GABRR3: variants seen among roughly 807,000 people sequenced by gnomAD.
The protein encoded by GABRR3 is gamma-aminobutyric acid type A receptor subunit rho3, also known as gamma-aminobutyric acid receptor subunit rho-3.
Under a neutral mutation model 43.2 loss-of-function variants are expected in GABRR3, and 29 were observed. The observed-to-expected ratio is 0.67, with a 90% CI of 0.50 to 0.92. The LOEUF is 0.92. Ranked by LOEUF, GABRR3 falls within the 40% of genes least tolerant of loss-of-function variation. The probability of loss-of-function intolerance (pLI) is 0.00; values close to 1 mark genes in which losing one functional copy is unlikely to be tolerated. For synonymous variants in GABRR3, 206 were observed against 195.9 expected (o/e 1.05, Z -0.43); for missense variants, 576 against 572.3 (o/e 1.01, Z -0.07).
chr3:98,023,695 CAT>C (rs1559780845), intron 3 of GABRR3, among the ~76,000 whole-genome samples: 2 of 151,800 alleles, frequency 1.3e-5, no homozygotes, highest in Non-Finnish European at 2.9e-5. Context: ...AAAAAAGAGA[CAT>C]ATTTCTAAAC....
chr3:98,019,024 T>G (rs1302374352), intron 3 of GABRR3, among the ~76,000 whole-genome samples: 1 of 151,708 alleles, frequency 6.6e-6, no homozygotes, highest in Non-Finnish European at 1.5e-5. Flanking sequence ...GCATGAGAAT[T>G]GCTTGAATGC....
At chr3:98,032,080 T>C (rs1175984406) in intron 2 of GABRR3, among the ~76,000 whole-genome samples, 18 of 145,182 alleles carry the variant, frequency 1.2e-4, no homozygotes, top group Admixed American at 9.5e-4. Context: ...TAGTATAGTA[T>C]AGTATAGTAT....
At chr3:98,004,372 G>A (rs1706696418) in intron 7 of GABRR3, among the ~76,000 whole-genome samples, 1 of 152,122 alleles carries the variant, frequency 6.6e-6, no homozygotes, top group Admixed American at 6.6e-5. Context: ...AGAAAGTTAA[G>A]GGTTAGAGAG....
At chr3:98,016,404 T>C (rs1706873802) in intron 4 of GABRR3, among the ~76,000 whole-genome samples, 1 of 152,140 alleles carries the variant, frequency 6.6e-6, no homozygotes, top group Non-Finnish European at 1.5e-5. Context: ...TGCCATGTGA[T>C]GCCTGCTCCC....
intron 4 of GABRR3, among the ~76,000 whole-genome samples, chr3:98,016,070 A>G (rs569006564): frequency 6.6e-6 from 1 of 152,158 alleles, no homozygotes; most frequent in South Asian, 2.1e-4. Context: ...GCCACTTTCA[A>G]ATAATCAGGT....
At chr3:97,991,775 C>A (rs1177424178) in intron 9 of GABRR3, among the ~76,000 whole-genome samples, 10 of 152,034 alleles carry the variant, frequency 6.6e-5, no homozygotes, top group Admixed American at 6.5e-4. Flanking sequence ...ATAAAAACAT[C>A]CTGAAAGTAT....
intron 8 of GABRR3, chr3:98,000,770 G>A (rs1210589511): frequency 6.6e-6 from 1 of 152,048 alleles, no homozygotes; most frequent in Non-Finnish European, 1.5e-5. Flanking sequence ...AAATGAAAGA[G>A]CAAAATCAGA....
chr3:98,020,349 T>C (rs1424353045), intron 3 of GABRR3, among the ~76,000 whole-genome samples: 3 of 150,052 alleles, frequency 2.0e-5, no homozygotes, highest in Admixed American at 6.8e-5. Context: ...AAATGGCATA[T>C]AATAAATGTT....
At position 98,007,759 on chromosome 3, in the gene GABRR3, T is replaced by C; in HGVS notation, c.754+5A>G. On this transcript the variant is annotated splice_donor_5th_base_variant and intron_variant, in intron 7 of 9. Transcript: ENST00000621172. ...CTGATGAATCACCCATGTAAAATGC[T>C]GTACCTGTGCTGCTATAGAAAGCTA... 6.2e-7 allele frequency: 1 copy of C among 1,613,572 alleles called. No homozygotes were observed. Among genetic ancestry groups the C allele is most frequent in the Non-Finnish European group, 8.5e-7 (1 of 1,179,758 alleles).
At chr3:97,993,091 C>G (rs1256932074) in intron 8 of GABRR3, 43 bp from the exon 9 acceptor site, 1 of 1,460,222 alleles carries the variant, frequency 6.8e-7, no homozygotes, top group Non-Finnish European at 9.3e-7. Context: ...TATAGCCATT[C>G]ATTTCCAGGA....
intron 8 of GABRR3, chr3:98,000,017 T>C (rs1311003336): frequency 1.3e-5 from 2 of 151,952 alleles, no homozygotes; most frequent in East Asian, 3.9e-4. Flanking sequence ...AGAGGGCAAA[T>C]TATCTTTGAA....
chr3:97,990,590 G>T (rs561968896), intron 9 of GABRR3, among the ~76,000 whole-genome samples: 3 of 151,858 alleles, frequency 2.0e-5, no homozygotes, highest in Admixed American at 1.3e-4. Flanking sequence ...CAAGAAATCC[G>T]CCTGCCTTGG....
Position 98,001,599 on chromosome 3 carries a change from A to G in GABRR3, c.907+16T>C. 6.2e-7 allele frequency: 1 copy of G among 1,612,194 alleles called. No homozygotes were observed. The highest frequency in any genetic ancestry group is 8.5e-7 in the Non-Finnish European group (1 of 1,178,806). ...TCTCCCATGTTAACATTTTATAAAGATGGGGAAAGATTTACCCAGGGAAAC... is the reference window on the plus strand; with the variant it reads ...TCTCCCATGTTAACATTTTATAAAGGTGGGGAAAGATTTACCCAGGGAAAC... On this transcript the variant is annotated intron_variant, in intron 8 of 9. Coordinates refer to ENST00000621172, the Ensembl canonical transcript of GABRR3.
intron 2 of GABRR3, among the ~76,000 whole-genome samples, chr3:98,030,759 C>A (rs1707076802): frequency 6.6e-6 from 1 of 152,184 alleles, no homozygotes; most frequent in Non-Finnish European, 1.5e-5. Flanking sequence ...CTCAGTCAAG[C>A]TTTACTGTGA....
chr3:98,024,059 G>A (rs1706982083), intron 3 of GABRR3, among the ~76,000 whole-genome samples: 1 of 152,174 alleles, frequency 6.6e-6, no homozygotes, highest in African/African-American at 2.4e-5. Flanking sequence ...TGAAATCAAG[G>A]TTAGACCCTT....
At chr3:98,022,502 T>C (rs1706960333) in intron 3 of GABRR3, among the ~76,000 whole-genome samples, 1 of 152,200 alleles carries the variant, frequency 6.6e-6, no homozygotes, top group South Asian at 2.1e-4. Flanking sequence ...AGAAAGAAGA[T>C]AAATTAAAGC....
chr3:98,015,461 G>A (rs1198418391), intron 4 of GABRR3, among the ~76,000 whole-genome samples: 1 of 152,208 alleles, frequency 6.6e-6, no homozygotes, highest in East Asian at 1.9e-4. Context: ...CTCCCGAAGT[G>A]CTGGGATTAT....
chr3:98,035,199 CAGCAATTTGAGGAA>C, exon 1 of GABRR3: 1 of 547,808 alleles, frequency 1.8e-6, no homozygotes, highest in Non-Finnish European at 3.1e-6. Flanking sequence ...CCTGGATCTT[CAGCAATTTGAGGAA>C]AACAAAGCAG....
chr3:98,016,014 C>T (rs188412357), intron 4 of GABRR3, among the ~76,000 whole-genome samples: 15 of 152,170 alleles, frequency 9.9e-5, no homozygotes, highest in African/African-American at 3.4e-4. Flanking sequence ...GAAGAAAGCA[C>T]CTTCTTCACA....
Sources: allele counts gnomAD v4.1 joint callset (sites outside exome capture counted in the v4.1 genomes callset), GRCh38; gene constraint gnomAD v4.1.1; transcripts MANE v1.5; gene names NCBI Gene and HGNC (gene_info 2026-07-23, HGNC 2026-07-21).